ARAP2: variants seen among roughly 807,000 people sequenced by gnomAD.
ARAP2 encodes ArfGAP with RhoGAP domain, ankyrin repeat and PH domain 2, also known as arf-GAP with Rho-GAP domain, ANK repeat and PH domain-containing protein 2.
ARAP2 carries 148 observed loss-of-function variants against 194.5 expected under a neutral mutation model. The observed-to-expected ratio is 0.76, with a 90% CI of 0.67 to 0.87. The LOEUF (loss-of-function observed/expected upper bound fraction) is 0.87, where lower values mean the gene tolerates loss of function less well. ARAP2 is among the 40% of genes least tolerant of loss of function. The pLI is 0.00. For missense variants in ARAP2, 2,128 were observed against 1,989.7 expected (o/e 1.07, Z -1.32); for synonymous variants, 695 against 683.5 (o/e 1.02, Z -0.26).
chr4:36,088,207 C>A (rs1712456168), intron 28 of ARAP2, among the ~76,000 whole-genome samples: 1 of 152,012 alleles, frequency 6.6e-6, no homozygotes, highest in Non-Finnish European at 1.5e-5. Flanking sequence ...ACGCCAACTG[C>A]AAAAGTGATC....
chr4:36,075,556 T>C (rs1728064677), intron 31 of ARAP2, among the ~76,000 whole-genome samples: 1 of 152,066 alleles, frequency 6.6e-6, no homozygotes, highest in African/African-American at 2.4e-5. Context: ...TTTTAACTAT[T>C]CTTTTCACTC....
At chr4:36,114,120 C>T (rs745644448) in intron 26 of ARAP2, 50 bp downstream of exon 26, 4 of 1,275,652 alleles carry the variant, frequency 3.1e-6, no homozygotes, top group Non-Finnish European at 4.5e-6. Context: ...TTAAAGAGTA[C>T]TTTTTACAGT....
chr4:36,201,028 G>C (rs560779966), intron 6 of ARAP2, among the ~76,000 whole-genome samples: 4 of 152,204 alleles, frequency 2.6e-5, no homozygotes, highest in Non-Finnish European at 5.9e-5. Context: ...ACAGAAAATA[G>C]ATTTAAAGTT....
At chr4:36,024,217 C>T (rs1717509860) in intron 5 of ARAP2, among the ~76,000 whole-genome samples, 1 of 152,116 alleles carries the variant, frequency 6.6e-6, no homozygotes, top group South Asian at 2.1e-4. Flanking sequence ...ATGATCTTCA[C>T]CTTCCAAAAG....
At chr4:36,199,857 A>G (rs1215997888) in intron 6 of ARAP2, among the ~76,000 whole-genome samples, 1 of 152,226 alleles carries the variant, frequency 6.6e-6, no homozygotes, top group Non-Finnish European at 1.5e-5. Context: ...ACACAAAAAC[A>G]AACTCTGTTA....
At chr4:36,173,242 G>A (rs1578166317) in intron 9 of ARAP2, among the ~76,000 whole-genome samples, 1 of 152,106 alleles carries the variant, frequency 6.6e-6, no homozygotes, top group East Asian at 1.9e-4. Flanking sequence ...AACGCCAATT[G>A]TCTTAACTCT....
At chr4:36,126,467 TAGA>T (rs1271689244) in intron 21 of ARAP2, among the ~76,000 whole-genome samples, 4 of 152,006 alleles carry the variant, frequency 2.6e-5, no homozygotes, top group African/African-American at 9.7e-5. Context: ...ACAGTCCTCC[TAGA>T]AGAACAGATC....
intron 1 of ARAP2, among the ~76,000 whole-genome samples, chr4:36,243,134 T>TA (rs1042616314): frequency 3.9e-5 from 6 of 152,036 alleles, no homozygotes; most frequent in East Asian, 1.9e-4. Flanking sequence ...TTTTTTTCCT[T>TA]AAAAAAAGTT....
In ARAP2 at chr4:36,151,027, A is replaced by G; in HGVS notation, c.2770T>C (p.Cys924Arg). 1 of 1,597,010 alleles carries G rather than the reference A, an allele frequency of 6.3e-7. No homozygotes were observed. Among genetic ancestry groups the G allele is most frequent in the Non-Finnish European group, 8.5e-7 (1 of 1,174,694 alleles). The change falls in exon 16 of 33, where the codon TGT becomes CGT. Residue 924 changes from cysteine (C) to arginine (R), a missense_variant. Physicochemically the swap from Cys to Arg is radical, Grantham distance 180 (BLOSUM62 -3). Coordinates refer to ENST00000303965, the MANE Select transcript of ARAP2 (RefSeq NM_015230.4). Reference sequence around the variant, plus strand: ...CTCAAGAAGCCTCCTTCCAAAACACACCATTTTTTATTTGTCTCTAAGAAT... The same window carrying G: ...CTCAAGAAGCCTCCTTCCAAAACACGCCATTTTTTATTTGTCTCTAAGAAT... Reference protein sequence around the residue: ...KLLEETNKKWCVLEGGFLSYY... With the variant: ...KLLEETNKKWRVLEGGFLSYY...
At chr4:36,190,099 G>A (rs542492757) in intron 7 of ARAP2, among the ~76,000 whole-genome samples, 1 of 152,146 alleles carries the variant, frequency 6.6e-6, no homozygotes, top group East Asian at 1.9e-4. Context: ...CAGTGCCTTT[G>A]CATACACTGT....
rs982093585 is a variant in ARAP2, at chr4:36,125,071, A to G, written c.3641-104T>C. ...AACAGTCACAAACAAATGCATTTTA[A>G]TAGGTGATACAATCAGGTTTCAGTA... On this transcript the variant is annotated intron_variant, in intron 21 of 32. Transcript: ENST00000303965. 4 of 680,154 alleles carry G rather than the reference A, an allele frequency of 5.9e-6. No homozygotes were observed. In the Admixed American group the frequency reaches 1.0e-4, roughly 17 times the overall value. The allele number at this position is 680,154 out of a possible 1,614,324, so 42.1% of individuals were successfully genotyped here.
intron 7 of ARAP2, among the ~76,000 whole-genome samples, chr4:36,189,027 T>C (rs6817227): frequency 0.9 from 136,749 of 152,206 alleles, 61,555 homozygotes; most frequent in East Asian, 1. Flanking sequence ...TCCTATCCAT[T>C]CTTTAATGTA....
At chr4:36,043,539 C>T (rs1206509541) in intron 5 of ARAP2, among the ~76,000 whole-genome samples, 1 of 152,010 alleles carries the variant, frequency 6.6e-6, no homozygotes, top group Non-Finnish European at 1.5e-5. Context: ...CAAGAATGCA[C>T]ATAAATTTGC....
At chr4:36,017,589 C>CAAAAAAAAAAAAAAAAAAAAAAAAAAAAA (rs1252307818) in intron 6 of ARAP2, among the ~76,000 whole-genome samples, 1 of 20,958 alleles carries the variant, frequency 4.8e-5, no homozygotes, top group African/African-American at 2.4e-4. Context: ...AAAAAAAAAG[C>CAAAAAAAAAAAAAAAAAAAAAAAAAAAAA]TTTCTGTGGA....
chr4:36,224,764 C>CT (rs984320190), intron 2 of ARAP2, among the ~76,000 whole-genome samples: 3 of 151,636 alleles, frequency 2.0e-5, no homozygotes, highest in Non-Finnish European at 2.9e-5. Flanking sequence ...AATAATTAGC[C>CT]TTTTTTCATA....
chr4:36,129,439 C>T (rs1348918864), intron 20 of ARAP2, among the ~76,000 whole-genome samples: 1 of 151,888 alleles, frequency 6.6e-6, no homozygotes, highest in African/African-American at 2.4e-5. Context: ...TGCCCAATCC[C>T]CATTCTGTTG....
intron 31 of ARAP2, among the ~76,000 whole-genome samples, chr4:36,074,955 A>G (rs536550065): frequency 1.3e-5 from 2 of 152,284 alleles, no homozygotes; most frequent in South Asian, 4.1e-4. Flanking sequence ...TTTAATGTGC[A>G]TCGTATCTAC....
At chr4:36,038,321 T>C (rs749285716) in intron 5 of ARAP2, among the ~76,000 whole-genome samples, 15 of 152,150 alleles carry the variant, frequency 9.9e-5, no homozygotes, top group Non-Finnish European at 1.6e-4. Context: ...CAAAAGACTA[T>C]AAAGGATCAG....
intron 8 of ARAP2, among the ~76,000 whole-genome samples, chr4:36,180,790 G>T (rs1444280803): frequency 6.6e-6 from 1 of 152,166 alleles, no homozygotes; most frequent in African/African-American, 2.4e-5. Flanking sequence ...TAGCCTAGAA[G>T]AATTATCTAG....
Sources: gnomAD v4.1 joint callset for allele counts (sites outside exome capture counted in the v4.1 genomes callset) on GRCh38, gnomAD v4.1.1 for gene constraint, MANE v1.5 for transcripts, NCBI Gene and HGNC (gene_info 2026-07-23, HGNC 2026-07-21) for gene names.